PLCL2: variants seen among roughly 807,000 people sequenced by gnomAD.
PLCL2 encodes phospholipase C like 2, also known as inactive phospholipase C-like protein 2.
In PLCL2, 4 loss-of-function variants were observed where a neutral mutation model predicts 79.6. That is an observed-to-expected ratio of 0.05 (90% CI 0.02 to 0.11). The LOEUF is 0.11. Among genes scored for constraint, PLCL2 ranks in the 10% least tolerant of loss-of-function variants. PLCL2 has a pLI of 1.00. For missense variants in PLCL2, 895 were observed against 1,291.0 expected, an observed-to-expected ratio of 0.69 and a Z score of 4.70; for synonymous variants, 484 against 457.7, an observed-to-expected ratio of 1.06 and a Z score of -0.73.
chr3:17,067,830 A>G (rs1463956365), intron 4 of PLCL2, 126 bp from the exon 5 acceptor site: 4 of 559,766 alleles, frequency 7.1e-6, no homozygotes, highest in African/African-American at 5.8e-5. Flanking sequence ...TCTTAAATGG[A>G]CACATTTATG....
At chr3:16,969,451 TTTCTGG>T (rs2124977299) in intron 1 of PLCL2, among the ~76,000 whole-genome samples, 1 of 152,278 alleles carries the variant, frequency 6.6e-6, no homozygotes, top group African/African-American at 2.4e-5. Flanking sequence ...ATTCAATTCC[TTTCTGG>T]TTCAATCTTG....
At chr3:17,067,281 T>A (rs1485356351) in intron 4 of PLCL2, among the ~76,000 whole-genome samples, 1 of 152,186 alleles carries the variant, frequency 6.6e-6, no homozygotes, top group Non-Finnish European at 1.5e-5. Flanking sequence ...GAATTAAGAT[T>A]TTCCACCTAA....
Position 16,887,855 on chromosome 3 carries a change from A to G in PLCL2, c.327+2489A>G, listed in dbSNP as rs965800343. 6.6e-6 allele frequency among the ~76,000 whole-genome samples: 1 copy of G among 152,326 alleles called. No individual in the cohort carries two copies. The highest frequency in any genetic ancestry group is 2.1e-4 in the South Asian group (1 of 4,828). On this transcript the variant is annotated intron_variant, in intron 1 of 5. Coordinates refer to ENST00000615277, the MANE Select transcript of PLCL2 (RefSeq NM_001144382.2). This position sits in a 1 kb window ranked among gnomAD's most constrained non-coding sequence, Gnocchi z 4.1. ...GCCCATGTGAAAAAGCAATAGTGAC[A>G]TCTTTCCTTGGTTTCCTTATTTTTT...
chr3:17,024,521 G>A (rs2064492899), intron 3 of PLCL2, among the ~76,000 whole-genome samples: 1 of 152,094 alleles, frequency 6.6e-6, no homozygotes, highest in East Asian at 1.9e-4. Flanking sequence ...AATTATTTTT[G>A]TAGTATGCAC....
intron 5 of PLCL2, among the ~76,000 whole-genome samples, chr3:17,086,257 T>C (rs560388854): frequency 6.6e-6 from 1 of 152,278 alleles, no homozygotes; most frequent in Non-Finnish European, 1.5e-5. Flanking sequence ...CAGAACAGGA[T>C]AGAAGAGCCC....
intron 1 of PLCL2, among the ~76,000 whole-genome samples, chr3:16,941,936 T>G (rs957735090): frequency 6.6e-6 from 1 of 152,166 alleles, no homozygotes; most frequent in African/African-American, 2.4e-5. Context: ...TGTTACTCCA[T>G]GAATTGTAAA....
chr3:16,888,566 A>G (rs1007444155), intron 1 of PLCL2, among the ~76,000 whole-genome samples: 1 of 152,230 alleles, frequency 6.6e-6, no homozygotes, highest in Non-Finnish European at 1.5e-5. Context: ...TGTCATCTTA[A>G]GTAATCTAGT....
intron 1 of PLCL2, among the ~76,000 whole-genome samples, chr3:16,955,830 G>C (rs368427293): frequency 6.6e-6 from 1 of 152,230 alleles, no homozygotes; most frequent in Middle Eastern, 3.4e-3. Context: ...CTCTCTGTTT[G>C]TCTGTTATTG....
chr3:17,034,841 A>G (rs1390860361), intron 3 of PLCL2, among the ~76,000 whole-genome samples: 1 of 152,168 alleles, frequency 6.6e-6, no homozygotes, highest in Non-Finnish European at 1.5e-5. Context: ...GACTTACTGT[A>G]TATTCTCCAC....
chr3:17,072,480 C>T (rs936193317), intron 5 of PLCL2, among the ~76,000 whole-genome samples: 4 of 151,972 alleles, frequency 2.6e-5, no homozygotes, highest in African/African-American at 4.8e-5. Context: ...ACCAGCCTGG[C>T]CAACATGACG....
At chr3:16,932,335 G>A (rs550149561) in intron 1 of PLCL2, among the ~76,000 whole-genome samples, 1 of 152,070 alleles carries the variant, frequency 6.6e-6, no homozygotes, top group African/African-American at 2.4e-5. Flanking sequence ...TCCTTTGTTT[G>A]GGAATAACAT....
At chr3:16,915,930 A>G (rs1696983797) in intron 1 of PLCL2, among the ~76,000 whole-genome samples, 1 of 152,212 alleles carries the variant, frequency 6.6e-6, no homozygotes, top group Admixed American at 6.5e-5. Flanking sequence ...TAACATGAAG[A>G]AAGTCCAGGC....
chr3:16,906,079 GAA>G (rs1696746132), intron 1 of PLCL2, among the ~76,000 whole-genome samples: 2 of 151,744 alleles, frequency 1.3e-5, no homozygotes, highest in South Asian at 4.2e-4. Flanking sequence ...AAAAAAAATT[GAA>G]AATTATATTT....
At chr3:16,962,931 A>C (rs1373157818) in intron 1 of PLCL2, among the ~76,000 whole-genome samples, 1 of 152,160 alleles carries the variant, frequency 6.6e-6, no homozygotes, top group Non-Finnish European at 1.5e-5. Context: ...TACTTGAACC[A>C]ATATATCTTT....
At chr3:16,987,300 G>A (rs938572761) in intron 1 of PLCL2, among the ~76,000 whole-genome samples, 2 of 152,094 alleles carry the variant, frequency 1.3e-5, no homozygotes, top group Non-Finnish European at 2.9e-5. Flanking sequence ...GGAGAGGTTT[G>A]AAGAGCAGGC....
intron 4 of PLCL2, among the ~76,000 whole-genome samples, chr3:17,055,046 A>G (rs2064879192): frequency 6.6e-6 from 1 of 152,208 alleles, no homozygotes; most frequent in African/African-American, 2.4e-5. Context: ...GAATGGCTGG[A>G]TTACAGTTAC....
chr3:17,041,648 A>G (rs1376068983), intron 3 of PLCL2, among the ~76,000 whole-genome samples: 1 of 152,216 alleles, frequency 6.6e-6, no homozygotes, highest in African/African-American at 2.4e-5. Flanking sequence ...AATGCTATAA[A>G]GAAAAATAAG....
chr3:17,049,966 T>A (rs190695257), intron 4 of PLCL2, among the ~76,000 whole-genome samples: 72 of 152,248 alleles, frequency 4.7e-4, no homozygotes, highest in African/African-American at 1.7e-3. Flanking sequence ...AATCGCATGA[T>A]AATGGTATAA....
intron 3 of PLCL2, among the ~76,000 whole-genome samples, chr3:17,021,595 TACACACACACAC>T (rs35902619): frequency 8.9e-5 from 13 of 146,602 alleles, no homozygotes; most frequent in Middle Eastern, 3.4e-3. Context: ...AAAGTATTCT[TACACACACACAC>T]ACACACACAC....
Sources: gnomAD v4.1 joint callset for allele counts (sites outside exome capture counted in the v4.1 genomes callset) on GRCh38, gnomAD v4.1.1 for gene constraint, Gnocchi (gnomAD v3.1) non-coding constraint, MANE v1.5 for transcripts, NCBI Gene and HGNC (gene_info 2026-07-23, HGNC 2026-07-21) for gene names.